USP48: variants seen among roughly 807,000 people sequenced by gnomAD.
USP48 encodes ubiquitin carboxyl-terminal hydrolase 48.
USP48 carries 43 observed loss-of-function variants against 150.7 expected under a neutral mutation model. That is an observed-to-expected ratio of 0.29 (90% CI 0.22 to 0.37). The LOEUF (loss-of-function observed/expected upper bound fraction) is 0.37, where lower values mean the gene tolerates loss of function less well. USP48 is among the 10% of genes least tolerant of loss of function. The pLI is 1.00. For synonymous variants in USP48, 396 were observed against 425.9 expected (o/e 0.93, Z 0.86); for missense variants, 813 against 1,249.6 (o/e 0.65, Z 5.27).
Position 21,679,211 on chromosome 1 carries a change from C to T in USP48, c.*206G>A. On this transcript the variant is annotated 3_prime_UTR_variant, in exon 27 of 27. Coordinates refer to ENST00000308271, the MANE Select transcript of USP48 (RefSeq NM_032236.8). The stretch of plus-strand genomic sequence containing the variant: ...CCCCCCTTAAATATAAAATTGGAAA[C>T]ATTTCCTTCAAGTCTGATGTCCATC... 1 of 264,656 alleles carries T rather than the reference C, an allele frequency of 3.8e-6. No homozygotes were observed. Among genetic ancestry groups the T allele is most frequent in the Non-Finnish European group, 7.2e-6 (1 of 139,206 alleles). 16.4% of individuals were successfully genotyped at this position (264,656 alleles called of 1,614,324 possible).
chr1:21,706,868 C>T lies in USP48; in HGVS notation c.1964G>A (p.Gly655Asp). The T allele has an allele frequency of 6.3e-7, 1 of 1,583,638 alleles. No individual in the cohort carries two copies. Among genetic ancestry groups the T allele is most frequent in the Non-Finnish European group, 8.5e-7 (1 of 1,170,936 alleles). ...NFNEDILCPHGELCISENERR... is the reference protein window; with the variant it reads ...NFNEDILCPHDELCISENERR... ...TTCATTTTCAGATATGCATAACTCA[C>T]CTGAGTTTAAAAAAATATATTTGGA... The change falls in exon 16 of 27, where the codon GGT becomes GAT. Residue 655 changes from glycine (G) to aspartate (D), a missense_variant and splice_region_variant. Physicochemically the swap from Gly to Asp is moderately conservative, Grantham distance 94. Coordinates refer to ENST00000308271, the MANE Select transcript of USP48 (RefSeq NM_032236.8).
intron 5 of USP48, among the ~76,000 whole-genome samples, chr1:21,752,005 A>G (rs1353345831): frequency 6.7e-6 from 1 of 148,518 alleles, no homozygotes; most frequent in Non-Finnish European, 1.5e-5. Context: ...CAACAGAGCA[A>G]GAGTCCATCT....
Position 21,679,018 on chromosome 1 carries a change from T to C in USP48, c.*399A>G, listed in dbSNP as rs78337240. 8.0e-3 allele frequency: 2,238 copies of C among 281,464 alleles called. 18 individuals carry two copies. The highest frequency in any genetic ancestry group is 0.015 in the Middle Eastern group (12 of 816). 17.4% of individuals were successfully genotyped at this position (281,464 alleles called of 1,614,324 possible). A position where few individuals can be genotyped will look rare whatever the true frequency, so the allele number is the denominator to read the frequency against. ...GTTCAGAGCAGAATGTTGTCCCATC[T>C]ACTTGATACAATCCTTTATGGACCA... is the stretch of plus-strand genomic sequence containing the variant. On this transcript the variant is annotated 3_prime_UTR_variant, in exon 27 of 27. Coordinates refer to ENST00000308271, the MANE Select transcript of USP48 (RefSeq NM_032236.8).
intron 15 of USP48, chr1:21,715,168 G>A (rs1025921037): frequency 1.7e-5 from 8 of 466,940 alleles, no homozygotes; most frequent in Non-Finnish European, 3.1e-5. Context: ...GACAGTCATG[G>A]GAAACAACTG....
intron 9 of USP48, among the ~76,000 whole-genome samples, chr1:21,733,224 T>A (rs2097761170): frequency 6.6e-6 from 1 of 152,268 alleles, no homozygotes; most frequent in Non-Finnish European, 1.5e-5. Context: ...GAAACCAGCC[T>A]GGCCAACATG....
intron 1 of USP48, among the ~76,000 whole-genome samples, chr1:21,760,047 C>T (rs1251006482): frequency 1.3e-5 from 2 of 152,192 alleles, no homozygotes; most frequent in East Asian, 1.9e-4. Context: ...ACACCACACA[C>T]CTTCTGGTAT....
chr1:21,704,153 T>G (rs1026757898), intron 20 of USP48, 109 bp downstream of exon 20: 2 of 1,295,442 alleles, frequency 1.5e-6, no homozygotes, highest in Non-Finnish European at 2.1e-6. Flanking sequence ...ACCTAGGGAG[T>G]TGGGACCGCC....
At chr1:21,719,949 T>C (rs2097715567) in intron 14 of USP48, among the ~76,000 whole-genome samples, 2 of 152,072 alleles carry the variant, frequency 1.3e-5, no homozygotes, top group Admixed American at 1.3e-4. Flanking sequence ...TGATATGAAA[T>C]GCTTGAATGC....
intron 14 of USP48, among the ~76,000 whole-genome samples, chr1:21,717,978 T>G (rs1353587367): frequency 4.6e-5 from 7 of 152,222 alleles, no homozygotes; most frequent in African/African-American, 1.7e-4. Flanking sequence ...GACGGATGTA[T>G]TCTTTATGTT....
At position 21,782,921 on chromosome 1, in the gene USP48, G is replaced by A. The variant is rs2097918204; in HGVS notation, c.37C>T (p.Arg13Cys). 5 of 1,550,012 alleles carry A rather than the reference G, an allele frequency of 3.2e-6. No homozygotes were observed. The highest frequency in any genetic ancestry group is 4.4e-6 in the Non-Finnish European group (5 of 1,149,222). The change falls in exon 1 of 27, where the codon CGC becomes TGC. Residue 13 changes from arginine to cysteine, a missense_variant. Transcript: ENST00000308271. The stretch of plus-strand genomic sequence containing the variant: ...TCGGGCCGCACCGTCTCCGCCCAGC[G>A]CCAGGCCGCCTTCTCCAGCTGCAGC... ...PRLQLEKAAW[R>C]WAETVRPEEV...
At chr1:21,738,219 G>T (rs1017760450) in intron 8 of USP48, among the ~76,000 whole-genome samples, 2 of 151,708 alleles carry the variant, frequency 1.3e-5, no homozygotes, top group Non-Finnish European at 2.9e-5. Context: ...CACCACACCC[G>T]GCTAATTTTT....
At chr1:21,777,972 CAAAAAAAAA>C (rs34374350) in intron 1 of USP48, among the ~76,000 whole-genome samples, 9 of 118,924 alleles carry the variant, frequency 7.6e-5, no homozygotes, top group East Asian at 2.4e-4. Flanking sequence ...CTAAATATAC[CAAAAAAAAA>C]AAAAAAAAAA....
At chr1:21,679,516 ACAT>A in intron 26 of USP48, 77 bp from the exon 27 acceptor site, 53 of 1,537,738 alleles carry the variant, frequency 3.4e-5, no homozygotes, top group Non-Finnish European at 4.8e-5. Context: ...TACCAAGAAC[ACAT>A]CATCAACAGG....
At chr1:21,706,299 A>C (rs1299851872) in intron 17 of USP48, 112 bp from the exon 18 acceptor site, 1 of 1,497,548 alleles carries the variant, frequency 6.7e-7, no homozygotes, top group Non-Finnish European at 9.1e-7. Context: ...TAAAATGAAA[A>C]CACAGTCCTC....
intron 1 of USP48, among the ~76,000 whole-genome samples, chr1:21,780,895 C>T (rs890733805): frequency 1.8e-4 from 27 of 150,712 alleles, no homozygotes; most frequent in Non-Finnish European, 3.4e-4. Context: ...GCGCCCGCCA[C>T]CACCCCCGGC....
intron 15 of USP48, among the ~76,000 whole-genome samples, chr1:21,713,052 C>T (rs1368676645): frequency 6.6e-6 from 1 of 152,088 alleles, no homozygotes; most frequent in Non-Finnish European, 1.5e-5. Flanking sequence ...CACTCCCTTT[C>T]TCATTCCCTC....
chr1:21,694,608 C>CAAAAAAAAAAAAAAAAAAAAA (rs1491189889), intron 23 of USP48, among the ~76,000 whole-genome samples: 2 of 28,994 alleles, frequency 6.9e-5, no homozygotes, highest in African/African-American at 2.1e-4. Flanking sequence ...AAAAAAAAAA[C>CAAAAAAAAAAAAAAAAAAAAA]CCCCTCTATC....
chr1:21,704,484 C>T, intron 19 of USP48, 92 bp from the exon 20 acceptor site: 1 of 1,341,872 alleles, frequency 7.5e-7, no homozygotes, highest in Non-Finnish European at 9.9e-7. Flanking sequence ...AAACCATTAA[C>T]ACTAACATTT....
chr1:21,751,689 G>T, intron 5 of USP48, 74 bp from the exon 6 acceptor site: 1 of 1,100,358 alleles, frequency 9.1e-7, no homozygotes, highest in Non-Finnish European at 1.4e-6. Context: ...TTACATCCTA[G>T]AAAGATGGAA....
Sources: gnomAD v4.1 joint callset for allele counts (sites outside exome capture counted in the v4.1 genomes callset) on GRCh38, gnomAD v4.1.1 for gene constraint, MANE v1.5 for transcripts, NCBI Gene and HGNC (gene_info 2026-07-23, HGNC 2026-07-21) for gene names.